GRID2: variants seen among roughly 807,000 people sequenced by gnomAD.
GRID2 encodes glutamate receptor ionotropic, delta-2.
A neutral mutation model predicts 114.8 loss-of-function variants in GRID2; 33 were observed. The ratio of observed to expected loss-of-function variants is 0.29; its 90% CI spans 0.22 to 0.38. The LOEUF (loss-of-function observed/expected upper bound fraction) is 0.38. GRID2 is among the 10% of genes least tolerant of loss of function. The pLI is 1.00. For missense variants in GRID2, 1,184 were observed against 1,257.7 expected (o/e 0.94, Z 0.89); for synonymous variants, 505 against 449.9 (o/e 1.12, Z -1.55).
intron 14 of GRID2, among the ~76,000 whole-genome samples, chr4:93,718,505 T>G (rs1729093341): frequency 1.3e-5 from 2 of 152,232 alleles, no homozygotes; most frequent in African/African-American, 4.8e-5. Flanking sequence ...AGATATAGTT[T>G]GCTTTAATTT....
chr4:92,309,660 T>G (rs761551260), intron 1 of GRID2, among the ~76,000 whole-genome samples: 3 of 151,930 alleles, frequency 2.0e-5, no homozygotes, highest in Non-Finnish European at 4.4e-5. Context: ...ATATGATCCC[T>G]GTCTCTTATT....
intron 4 of GRID2, among the ~76,000 whole-genome samples, chr4:93,138,983 C>T (rs1735516291): frequency 1.3e-5 from 2 of 152,172 alleles, no homozygotes; most frequent in Non-Finnish European, 2.9e-5. Flanking sequence ...TTACTCTAAA[C>T]ATTTTATAGT....
intron 8 of GRID2, among the ~76,000 whole-genome samples, chr4:93,390,931 T>C (rs1764796620): frequency 1.3e-5 from 2 of 152,230 alleles, no homozygotes; most frequent in East Asian, 3.9e-4. Flanking sequence ...TGTTACATAG[T>C]ATGAAGGTTC....
chr4:92,546,945 G>C (rs890739423), intron 1 of GRID2, among the ~76,000 whole-genome samples: 1 of 152,112 alleles, frequency 6.6e-6, no homozygotes, highest in African/African-American at 2.4e-5. Flanking sequence ...CCTGTTTAAG[G>C]TCAGGATTGT....
At chr4:92,360,860 C>T (rs955602965) in intron 1 of GRID2, among the ~76,000 whole-genome samples, 1 of 151,882 alleles carries the variant, frequency 6.6e-6, no homozygotes, top group African/African-American at 2.4e-5. Flanking sequence ...GGTTTTCCCC[C>T]TTTTATATCA....
At chr4:92,799,672 C>A (rs564076378) in intron 2 of GRID2, among the ~76,000 whole-genome samples, 1 of 152,096 alleles carries the variant, frequency 6.6e-6, no homozygotes, top group South Asian at 2.1e-4. Context: ...TCCATTTAAA[C>A]TTAATCACCT....
intron 14 of GRID2, among the ~76,000 whole-genome samples, chr4:93,765,801 G>T (rs1408490691): frequency 6.6e-6 from 1 of 151,756 alleles, no homozygotes; most frequent in African/African-American, 2.4e-5. Context: ...AGGAATAAAT[G>T]AACATGAATT....
intron 2 of GRID2, among the ~76,000 whole-genome samples, chr4:93,049,566 C>T (rs1420434515): frequency 2.0e-5 from 3 of 151,412 alleles, no homozygotes; most frequent in Non-Finnish European, 4.4e-5. Context: ...AATTTTTGTC[C>T]AAAGGGAAAA....
At chr4:92,620,876 G>T (rs1456924286) in intron 2 of GRID2, among the ~76,000 whole-genome samples, 1 of 149,530 alleles carries the variant, frequency 6.7e-6, no homozygotes, top group African/African-American at 2.5e-5. Flanking sequence ...ATACCAACAT[G>T]ACACATGTAT....
In GRID2 at chr4:92,735,365, A is replaced by G. The variant is rs374998928; in HGVS notation, c.244+145079A>G. 1.3e-4 allele frequency among the ~76,000 whole-genome samples: 20 copies of G among 152,218 alleles called. 1 individual carries two copies. In the East Asian group the frequency reaches 2.9e-3, roughly 22 times the overall value. On this transcript the variant is annotated intron_variant, in intron 2 of 15. Coordinates refer to ENST00000282020, the MANE Select transcript of GRID2 (RefSeq NM_001510.4). Reference sequence around the variant, plus strand: ...AAACACAGTAAAAGATAACCATACAACTAATAAGATACAACAATTATAACA... The same window carrying G: ...AAACACAGTAAAAGATAACCATACAGCTAATAAGATACAACAATTATAACA...
chr4:92,458,427 T>A (rs933776377), intron 1 of GRID2, among the ~76,000 whole-genome samples: 1 of 152,174 alleles, frequency 6.6e-6, no homozygotes, highest in Non-Finnish European at 1.5e-5. Flanking sequence ...TAGTCTTTAA[T>A]GGTAAATTTT....
chr4:93,709,716 A>G (rs1728320011), intron 14 of GRID2, among the ~76,000 whole-genome samples: 1 of 151,994 alleles, frequency 6.6e-6, no homozygotes, highest in Non-Finnish European at 1.5e-5. Flanking sequence ...AATAACTTAG[A>G]TTTGCCCCTT....
intron 2 of GRID2, among the ~76,000 whole-genome samples, chr4:92,896,936 T>G (rs1418445061): frequency 6.6e-6 from 1 of 152,078 alleles, no homozygotes; most frequent in East Asian, 1.9e-4. Context: ...GAGACGGGGT[T>G]TCATCATGTT....
chr4:93,589,537 G>A, intron 13 of GRID2, among the ~76,000 whole-genome samples: 1 of 152,124 alleles, frequency 6.6e-6, no homozygotes, highest in Admixed American at 6.6e-5. Context: ...CTTTATAGCA[G>A]CATGATTTAT....
intron 8 of GRID2, among the ~76,000 whole-genome samples, chr4:93,300,830 T>C (rs1754793916): frequency 6.6e-6 from 1 of 152,096 alleles, no homozygotes; most frequent in African/African-American, 2.4e-5. Flanking sequence ...CACATGAAAG[T>C]GTTGTGATTG....
chr4:93,046,489 A>G (rs1174676893), intron 2 of GRID2, among the ~76,000 whole-genome samples: 2 of 152,136 alleles, frequency 1.3e-5, no homozygotes, highest in Admixed American at 1.3e-4. Flanking sequence ...ACCTTGTTGT[A>G]TGTATATAAA....
intron 8 of GRID2, among the ~76,000 whole-genome samples, chr4:93,290,660 A>G (rs1260515381): frequency 2.0e-5 from 3 of 152,028 alleles, no homozygotes; most frequent in Admixed American, 1.3e-4. Flanking sequence ...TTTATCTGGT[A>G]GTATTTGTGG....
intron 2 of GRID2, among the ~76,000 whole-genome samples, chr4:92,940,243 G>T (rs1451900427): frequency 6.8e-6 from 1 of 146,786 alleles, no homozygotes; most frequent in African/African-American, 2.4e-5. Context: ...TTATTTCATT[G>T]AGCAGTGATT....
chr4:92,685,883 G>A (rs1733875463), intron 2 of GRID2, among the ~76,000 whole-genome samples: 2 of 151,946 alleles, frequency 1.3e-5, no homozygotes, highest in Admixed American at 1.3e-4. Flanking sequence ...AACCCCTTCA[G>A]TAAAGTGAGT....
Sources: allele counts gnomAD v4.1 joint callset (sites outside exome capture counted in the v4.1 genomes callset), GRCh38; gene constraint gnomAD v4.1.1; transcripts MANE v1.5; gene names NCBI Gene and HGNC (gene_info 2026-07-23, HGNC 2026-07-21).